CNTN5: variants seen among roughly 807,000 people sequenced by gnomAD.
The protein encoded by CNTN5 is contactin-5.
A neutral mutation model predicts 129.1 loss-of-function variants in CNTN5; 77 were observed. The ratio of observed to expected loss-of-function variants is 0.60; its 90% confidence interval spans 0.50 to 0.72. The LOEUF is 0.72. Among genes scored for constraint, CNTN5 ranks in the 30% least tolerant of loss-of-function variants. The probability of loss-of-function intolerance (pLI) is 0.00; values close to 1 mark genes in which losing one functional copy is unlikely to be tolerated. For synonymous variants in CNTN5, 509 were observed against 465.6 expected, an observed-to-expected ratio of 1.09 and a Z score of -1.20; for missense variants, 1,478 against 1,328.8, an observed-to-expected ratio of 1.11 and a Z score of -1.75.
chr11:100,013,063 T>C (rs1438437545), intron 9 of CNTN5, among the ~76,000 whole-genome samples: 1 of 152,142 alleles, frequency 6.6e-6, no homozygotes, highest in East Asian at 1.9e-4. Flanking sequence ...TGAAAGCCAT[T>C]ATCCTGAGTG....
intron 2 of CNTN5, among the ~76,000 whole-genome samples, chr11:99,417,751 T>C (rs1242590766): frequency 6.6e-6 from 1 of 152,180 alleles, no homozygotes; most frequent in Non-Finnish European, 1.5e-5. Flanking sequence ...TTTTTATTTA[T>C]TACTTTTAAT....
intron 2 of CNTN5, among the ~76,000 whole-genome samples, chr11:99,350,132 C>G (rs993840756): frequency 6.6e-6 from 1 of 152,080 alleles, no homozygotes; most frequent in East Asian, 1.9e-4. Context: ...ATTTTTAACA[C>G]TAAAACACCT....
At chr11:99,258,124 A>T (rs2135814313) in intron 1 of CNTN5, among the ~76,000 whole-genome samples, 1 of 152,106 alleles carries the variant, frequency 6.6e-6, no homozygotes, top group Non-Finnish European at 1.5e-5. Context: ...TGTTTATGAG[A>T]CTTCTCAAAC....
At chr11:99,652,409 AC>A (rs1952191381) in intron 3 of CNTN5, among the ~76,000 whole-genome samples, 1 of 152,058 alleles carries the variant, frequency 6.6e-6, no homozygotes, top group African/African-American at 2.4e-5. Context: ...ATATAAAGTA[AC>A]CTAATCAAGA....
intron 16 of CNTN5, among the ~76,000 whole-genome samples, chr11:100,247,370 G>A (rs1427889644): frequency 2.6e-5 from 4 of 152,146 alleles, no homozygotes; most frequent in African/African-American, 9.7e-5. Context: ...AAGTATAACT[G>A]TTTGTTTCTC....
At chr11:100,326,420 C>T (rs943983510) in intron 21 of CNTN5, among the ~76,000 whole-genome samples, 1 of 152,100 alleles carries the variant, frequency 6.6e-6, no homozygotes, top group African/African-American at 2.4e-5. Flanking sequence ...TTAACAGCCC[C>T]ATCTTTGTCA....
chr11:99,281,734 T>C (rs956526359), intron 1 of CNTN5, among the ~76,000 whole-genome samples: 3 of 152,070 alleles, frequency 2.0e-5, no homozygotes, highest in Admixed American at 6.6e-5. Context: ...AATTTTCTTC[T>C]GAGTACAGTT....
At chr11:99,726,544 C>CGCTGACACTTATTT (rs1275362758) in intron 3 of CNTN5, among the ~76,000 whole-genome samples, 1 of 152,108 alleles carries the variant, frequency 6.6e-6, no homozygotes, top group Non-Finnish European at 1.5e-5. Flanking sequence ...TAATAATAAT[C>CGCTGACACTTATTT]GCTGACACTT....
At chr11:100,308,734 A>G in intron 21 of CNTN5, 1 of 1,056,066 alleles carries the variant, frequency 9.5e-7, no homozygotes, top group Non-Finnish European at 1.1e-6. Context: ...CAGGAGCTAC[A>G]GGTAGATATT....
At chr11:99,949,412 A>G (rs1950623439) in intron 7 of CNTN5, among the ~76,000 whole-genome samples, 3 of 152,130 alleles carry the variant, frequency 2.0e-5, no homozygotes, top group Admixed American at 2.0e-4. Context: ...CATTAAGGTC[A>G]TAGTCCCTGG....
intron 2 of CNTN5, among the ~76,000 whole-genome samples, chr11:99,400,637 T>A (rs939807380): frequency 6.6e-6 from 1 of 152,076 alleles, no homozygotes; most frequent in African/African-American, 2.4e-5. Context: ...CTATTTTTAG[T>A]CTTTTGAGGA....
intron 2 of CNTN5, among the ~76,000 whole-genome samples, chr11:99,362,021 A>G (rs1382086616): frequency 6.6e-6 from 1 of 152,038 alleles, no homozygotes; most frequent in African/African-American, 2.4e-5. Context: ...TTTATAGTTA[A>G]TTTTGGGGGG....
At chr11:99,854,385 C>A (rs1947968249) in intron 6 of CNTN5, among the ~76,000 whole-genome samples, 2 of 152,118 alleles carry the variant, frequency 1.3e-5, no homozygotes, top group Non-Finnish European at 2.9e-5. Flanking sequence ...AAGAATGTTG[C>A]CTTAGGAATA....
At chr11:100,023,492 C>T (rs1158110149) in intron 9 of CNTN5, among the ~76,000 whole-genome samples, 1 of 152,166 alleles carries the variant, frequency 6.6e-6, no homozygotes, top group Non-Finnish European at 1.5e-5. Context: ...AACTGAGACA[C>T]CTACAGTGAC....
At chr11:99,729,357 C>T (rs1943452905) in intron 3 of CNTN5, among the ~76,000 whole-genome samples, 1 of 152,092 alleles carries the variant, frequency 6.6e-6, no homozygotes, top group Non-Finnish European at 1.5e-5. Flanking sequence ...TATAGGTAAA[C>T]TCATGTCACG....
chr11:100,243,320 G>A (rs1478000088), intron 16 of CNTN5, among the ~76,000 whole-genome samples: 1 of 152,186 alleles, frequency 6.6e-6, no homozygotes, highest in Non-Finnish European at 1.5e-5. Context: ...ATGTGCAAGA[G>A]GGGAGTTGCT....
chr11:99,721,126 T>C (rs1283481189), intron 3 of CNTN5, among the ~76,000 whole-genome samples: 1 of 152,082 alleles, frequency 6.6e-6, no homozygotes, highest in Non-Finnish European at 1.5e-5. Flanking sequence ...TTCACAGAAC[T>C]AGAGAAAATT....
At chr11:99,275,051 A>G (rs1198277267) in intron 1 of CNTN5, among the ~76,000 whole-genome samples, 2 of 151,500 alleles carry the variant, frequency 1.3e-5, no homozygotes, top group Non-Finnish European at 3.0e-5. Context: ...GGACATGAAT[A>G]TATATCTATA....
intron 8 of CNTN5, among the ~76,000 whole-genome samples, chr11:99,967,903 C>A (rs1951137685): frequency 1.3e-5 from 2 of 152,094 alleles, no homozygotes; most frequent in South Asian, 4.1e-4. Context: ...TTAATCTACA[C>A]TTATGTTTTC....
Sources: allele counts gnomAD v4.1 joint callset (sites outside exome capture counted in the v4.1 genomes callset), GRCh38; gene constraint gnomAD v4.1.1; transcripts MANE v1.5; gene names NCBI Gene and HGNC (gene_info 2026-07-23, HGNC 2026-07-21).